PICALM: variants seen among roughly 807,000 people sequenced by gnomAD.
PICALM encodes phosphatidylinositol binding clathrin assembly protein.
In PICALM, 40 loss-of-function variants were observed where a neutral mutation model predicts 80.5. The ratio of observed to expected loss-of-function variants is 0.50; its 90% CI spans 0.39 to 0.65. PICALM has a LOEUF of 0.65. Among genes scored for constraint, PICALM ranks in the 30% least tolerant of loss-of-function variants. PICALM has a pLI of 0.00. For missense variants in PICALM, 676 were observed against 778.9 expected (o/e 0.87, Z 1.57); for synonymous variants, 288 against 260.3 (o/e 1.11, Z -1.02).
At chr11:86,000,912 T>C in intron 10 of PICALM, 123 bp downstream of exon 10, 1 of 1,476,004 alleles carries the variant, frequency 6.8e-7, no homozygotes, top group Non-Finnish European at 9.2e-7. Context: ...GGACGAAAAG[T>C]TAGACTGAGT....
At chr11:86,016,110 T>C (rs2095477234) in intron 4 of PICALM, among the ~76,000 whole-genome samples, 2 of 152,216 alleles carry the variant, frequency 1.3e-5, no homozygotes, top group African/African-American at 2.4e-5. Context: ...CATTCCTTCT[T>C]TTGCAACTCT....
At position 86,041,418 on chromosome 11, in the gene PICALM, C is replaced by T. The variant is rs148043592; in HGVS notation, c.131-9807G>A. 1.4e-3 allele frequency among the ~76,000 whole-genome samples: 214 copies of T among 152,180 alleles called. 7 individuals are homozygous for T. In the East Asian group the frequency reaches 0.039, roughly 28 times the overall value. ...TATTATGAACTACCTCAATAAAAAG[C>T]CTCTACTTCAAGAACGGAACACAGA... On this transcript the variant is annotated intron_variant, in intron 1 of 19. Coordinates refer to ENST00000393346, the MANE Select transcript of PICALM (RefSeq NM_007166.4).
chr11:86,036,759 C>G (rs1435609488), intron 1 of PICALM, among the ~76,000 whole-genome samples: 1 of 151,934 alleles, frequency 6.6e-6, no homozygotes, highest in Non-Finnish European at 1.5e-5. Flanking sequence ...CATATTAAGT[C>G]AAAAGTTATA....
At chr11:85,959,305 G>A (rs2093608211) in intron 19 of PICALM, among the ~76,000 whole-genome samples, 1 of 149,652 alleles carries the variant, frequency 6.7e-6, no homozygotes, top group Non-Finnish European at 1.5e-5. Flanking sequence ...GTCTTGCTCT[G>A]CTGTCTAGGC....
intron 1 of PICALM, among the ~76,000 whole-genome samples, chr11:86,041,502 T>A (rs994474802): frequency 6.6e-6 from 1 of 152,148 alleles, no homozygotes; most frequent in East Asian, 1.9e-4. Context: ...TTTTTATTTG[T>A]GGCAGAGGAA....
intron 4 of PICALM, among the ~76,000 whole-genome samples, chr11:86,019,203 GA>G (rs1354295019): frequency 6.6e-5 from 10 of 152,068 alleles, no homozygotes; most frequent in Non-Finnish European, 1.0e-4. Context: ...GTAGCCTACT[GA>G]GGTTTTTGCC....
intron 5 of PICALM, among the ~76,000 whole-genome samples, chr11:86,012,727 G>A (rs1435029376): frequency 7.3e-5 from 11 of 151,080 alleles, no homozygotes; most frequent in African/African-American, 2.0e-4. Flanking sequence ...AAATTAACTC[G>A]TTATATATAG....
chr11:85,981,843 G>C (rs1451322901), intron 15 of PICALM, 29 bp downstream of exon 15: 2 of 1,612,194 alleles, frequency 1.2e-6, no homozygotes, highest in Non-Finnish European at 1.7e-6. Flanking sequence ...CAACATAAAA[G>C]AAGATTAACG....
At position 86,036,751 on chromosome 11, in the gene PICALM, T is replaced by C. The variant is rs183119765; in HGVS notation, c.131-5140A>G. 2.0e-5 allele frequency among the ~76,000 whole-genome samples: 3 copies of C among 152,156 alleles called. No individual in the cohort carries two copies. In the East Asian group the frequency reaches 5.8e-4, roughly 29 times the overall value. ...CTGTCAGGAGAAAATGTTCACCACA[T>C]ATTAAGTCAAAAGTTATAGTAAAGA... is the stretch of plus-strand genomic sequence containing the variant. On this transcript the variant is annotated intron_variant, in intron 1 of 19. Transcript: ENST00000393346.
intron 7 of PICALM, among the ~76,000 whole-genome samples, chr11:86,009,871 G>C (rs538636087): frequency 3.2e-4 from 49 of 152,200 alleles, no homozygotes; most frequent in East Asian, 7.7e-4. Flanking sequence ...AAAACGGAAA[G>C]GATCTTTCTC....
At chr11:85,966,214 T>A (rs1010452098) in intron 19 of PICALM, among the ~76,000 whole-genome samples, 1 of 150,974 alleles carries the variant, frequency 6.6e-6, no homozygotes, top group Middle Eastern at 3.2e-3. Flanking sequence ...AAAACTGTTT[T>A]TCCCCCCCCA....
intron 2 of PICALM, among the ~76,000 whole-genome samples, chr11:86,031,180 T>C (rs1325275056): frequency 6.6e-6 from 1 of 150,382 alleles, no homozygotes; most frequent in East Asian, 2.0e-4. Context: ...ATAGACAAAA[T>C]ATATAGTCTA....
chr11:86,021,816 A>G (rs2095568756), intron 4 of PICALM, among the ~76,000 whole-genome samples: 2 of 152,252 alleles, frequency 1.3e-5, no homozygotes, highest in Non-Finnish European at 2.9e-5. Context: ...AAAATGCAGT[A>G]TATGTCCATA....
At chr11:86,032,540 T>G (rs1198635901) in intron 1 of PICALM, among the ~76,000 whole-genome samples, 1 of 151,970 alleles carries the variant, frequency 6.6e-6, no homozygotes, top group South Asian at 2.1e-4. Flanking sequence ...GCAGGACAAT[T>G]GCTTGAACCT....
intron 17 of PICALM, chr11:85,977,938 AG>A: frequency 5.4e-6 from 4 of 735,044 alleles, no homozygotes; most frequent in Non-Finnish European, 2.5e-6. Context: ...AGTAGATGCT[AG>A]GAAGAATTTC....
At chr11:86,063,547 T>C (rs2096400365) in intron 1 of PICALM, among the ~76,000 whole-genome samples, 1 of 152,168 alleles carries the variant, frequency 6.6e-6, no homozygotes, top group Admixed American at 6.5e-5. Flanking sequence ...AAACACATAC[T>C]GTTCAGAAAC....
chr11:86,068,122 A>C (rs943381565), intron 1 of PICALM, among the ~76,000 whole-genome samples: 1 of 152,134 alleles, frequency 6.6e-6, no homozygotes, highest in African/African-American at 2.4e-5. Context: ...GGGATGGGCG[A>C]AGCAGCTAGT....
At chr11:86,041,070 T>A (rs930048076) in intron 1 of PICALM, among the ~76,000 whole-genome samples, 2 of 152,170 alleles carry the variant, frequency 1.3e-5, no homozygotes, top group African/African-American at 4.8e-5. Context: ...CATCATACAA[T>A]AGTTACAGCA....
At chr11:86,029,592 C>T (rs929946974) in intron 2 of PICALM, among the ~76,000 whole-genome samples, 2 of 152,154 alleles carry the variant, frequency 1.3e-5, no homozygotes, top group Admixed American at 6.5e-5. Context: ...AACATTTTGC[C>T]TCTAGTACTA....
Sources: allele counts gnomAD v4.1 joint callset (sites outside exome capture counted in the v4.1 genomes callset), GRCh38; gene constraint gnomAD v4.1.1; transcripts MANE v1.5; gene names NCBI Gene and HGNC (gene_info 2026-07-23, HGNC 2026-07-21).